CTPS2: variants seen among roughly 807,000 people sequenced by gnomAD.
CTPS2 encodes the protein CTP synthase 2.
A neutral mutation model predicts 46.8 loss-of-function variants in CTPS2; 19 were observed. The observed-to-expected ratio is 0.41, with a 90% confidence interval of 0.28 to 0.60. CTPS2 has a LOEUF of 0.60. Among genes scored for constraint, CTPS2 ranks in the 20% least tolerant of loss-of-function variants. CTPS2 has a pLI of 0.35. For missense variants in CTPS2, 286 were observed against 447.6 expected (o/e 0.64, Z 3.26); for synonymous variants, 151 against 165.2 (o/e 0.91, Z 0.66).
intron 13 of CTPS2, among the ~76,000 whole-genome samples, chrX:16,653,790 T>C (rs1227368713): frequency 8.9e-6 from 1 of 112,061 alleles, no homozygotes; most frequent in Non-Finnish European, 1.9e-5. Flanking sequence ...GGGCGGTGGT[T>C]AGTTAAGGGG....
chrX:16,684,968 G>A (rs1312604918), intron 8 of CTPS2, among the ~76,000 whole-genome samples: 5 of 111,381 alleles, frequency 4.5e-5, no homozygotes, highest in Non-Finnish European at 7.5e-5. Context: ...GTGCACGCCT[G>A]TAGTTCCAGC....
intron 16 of CTPS2, among the ~76,000 whole-genome samples, chrX:16,615,335 T>C (rs1042329221): frequency 1.8e-5 from 2 of 110,591 alleles, no homozygotes; most frequent in African/African-American, 6.6e-5. Flanking sequence ...CTAGACCCTG[T>C]CTCAAAAAAA....
chrX:16,604,642 C>CAAAAA (rs1391412669), intron 17 of CTPS2, among the ~76,000 whole-genome samples: 2 of 56,742 alleles, frequency 3.5e-5, no homozygotes, highest in African/African-American at 1.2e-4. Context: ...GCCTGAGAAA[C>CAAAAA]AAAAAAAAAA....
chrX:16,590,536 T>C (rs766426217), intron 18 of CTPS2, among the ~76,000 whole-genome samples: 1 of 111,098 alleles, frequency 9.0e-6, no homozygotes, highest in East Asian at 2.8e-4. Context: ...TAGGTGTACT[T>C]ATATTTTTTT....
chrX:16,703,627 C>T (rs1390754600), intron 1 of CTPS2, among the ~76,000 whole-genome samples: 4 of 112,018 alleles, frequency 3.6e-5, no homozygotes, highest in Admixed American at 9.6e-5. Flanking sequence ...CACCATGCTT[C>T]GTCTCACCAA....
In CTPS2 at chrX:16,609,571, T is replaced by C. The variant is rs1930158646; in HGVS notation, c.1661A>G (p.Tyr554Cys). The change falls in exon 17 of 19, where the codon TAC (tyrosine) becomes TGC (cysteine). Residue 554 changes from tyrosine (Y) to cysteine (C), a missense_variant. Transcript: ENST00000359276. ...AGACAGTTTGCAACCCTGTTGCAAGTAGGCATTCAGGTTCCCAGTTGCTGC... is the reference window on the plus strand; with the variant it reads ...AGACAGTTTGCAACCCTGTTGCAAGCAGGCATTCAGGTTCCCAGTTGCTGC... Reference protein sequence around the residue: ...LLAATGNLNAYLQQGCKLSSS... With the variant: ...LLAATGNLNACLQQGCKLSSS... 2 of 1,211,460 alleles carry C rather than the reference T, an allele frequency of 1.7e-6. No homozygotes were observed. Among genetic ancestry groups the C allele is most frequent in the African/African-American group, 3.5e-5 (2 of 57,851 alleles).
At chrX:16,667,137 C>CTTTT (rs34412705) in intron 13 of CTPS2, among the ~76,000 whole-genome samples, 9 of 90,061 alleles carry the variant, frequency 1.0e-4, no homozygotes, top group Non-Finnish European at 1.5e-4. Flanking sequence ...CCCCCCCCGC[C>CTTTT]TTTTTTTTTT....
intron 7 of CTPS2, among the ~76,000 whole-genome samples, 180 bp from the exon 8 acceptor site, chrX:16,689,781 T>A (rs144979537): frequency 1.9e-3 from 208 of 111,886 alleles, no homozygotes; most frequent in African/African-American, 6.5e-3. Flanking sequence ...GTTAGCTTCA[T>A]TTAATTAGAA....
chrX:16,609,590 T>C lies in CTPS2; in HGVS notation c.1642A>G (p.Thr548Ala). ...TGCAAGTAGGCATTCAGGTTCCCAG[T>C]TGCTGCAAGTAACAGCCCCAGATAC... is the stretch of plus-strand genomic sequence containing the variant. Reference protein sequence around the residue: ...PPYLGLLLAATGNLNAYLQQG... With the variant: ...PPYLGLLLAAAGNLNAYLQQG... Residue 548 changes from threonine to alanine, a missense_variant, in exon 17 of 19, where the codon ACT becomes GCT. Thr to Ala is a moderately conservative substitution (Grantham distance 58). Transcript: ENST00000359276. 1 of 1,211,548 alleles carries C rather than the reference T, an allele frequency of 8.3e-7. No individual in the cohort carries two copies. The highest frequency in any genetic ancestry group is 1.1e-6 in the Non-Finnish European group (1 of 895,326).
At chrX:16,591,254 A>G (rs763815809) in intron 17 of CTPS2, among the ~76,000 whole-genome samples, 1 of 111,814 alleles carries the variant, frequency 8.9e-6, no homozygotes, top group South Asian at 3.8e-4. Context: ...GTGTTATATT[A>G]ACAAACTGAT....
intron 14 of CTPS2, among the ~76,000 whole-genome samples, chrX:16,629,739 A>G (rs1169327491): frequency 8.9e-6 from 1 of 111,855 alleles, no homozygotes; most frequent in African/African-American, 3.2e-5. Context: ...CATTTCTTTC[A>G]GCTCTTTCAA....
chrX:16,612,526 A>G (rs763483935), intron 16 of CTPS2, among the ~76,000 whole-genome samples: 5 of 112,612 alleles, frequency 4.4e-5, no homozygotes, highest in African/African-American at 1.6e-4. Context: ...ACTTAAACAA[A>G]GTAAACAAAT....
intron 4 of CTPS2, among the ~76,000 whole-genome samples, chrX:16,693,839 G>A (rs891847424): frequency 2.3e-4 from 25 of 110,818 alleles, no homozygotes; most frequent in South Asian, 3.8e-4. Context: ...ATTTCTCCAC[G>A]TGTATACTCT....
chrX:16,680,117 A>G (rs1922615089), intron 9 of CTPS2, among the ~76,000 whole-genome samples: 1 of 111,889 alleles, frequency 8.9e-6, no homozygotes, highest in Admixed American at 9.5e-5. Flanking sequence ...GCCCAATCTT[A>G]GAAGGAAGAT....
intron 17 of CTPS2, among the ~76,000 whole-genome samples, chrX:16,604,519 A>T (rs1929855828): frequency 8.9e-6 from 1 of 111,752 alleles, no homozygotes; most frequent in African/African-American, 3.3e-5. Flanking sequence ...TTCTCTCCTT[A>T]CTTAAAAATG....
At chrX:16,652,021 G>A (rs1932668576) in intron 13 of CTPS2, among the ~76,000 whole-genome samples, 1 of 109,591 alleles carries the variant, frequency 9.1e-6, no homozygotes, top group Non-Finnish European at 1.9e-5. Context: ...AGCAGGATGG[G>A]GGGGGCCAGT....
intron 14 of CTPS2, among the ~76,000 whole-genome samples, chrX:16,636,310 G>A (rs938688385): frequency 2.7e-5 from 3 of 111,421 alleles, no homozygotes; most frequent in Admixed American, 9.5e-5. Context: ...CAGGAGAATC[G>A]CTTAAACCCA....
intron 17 of CTPS2, among the ~76,000 whole-genome samples, chrX:16,596,017 T>C (rs1052468322): frequency 8.1e-5 from 9 of 110,894 alleles, no homozygotes; most frequent in Admixed American, 4.8e-4. Flanking sequence ...TACAGGCACA[T>C]GCCACCGTGC....
chrX:16,706,959 C>G (rs186605028), intron 1 of CTPS2, among the ~76,000 whole-genome samples: 75 of 109,017 alleles, frequency 6.9e-4, no homozygotes, highest in Non-Finnish European at 8.8e-4. Flanking sequence ...AGGAGAATCA[C>G]TTGAACCTGG....
Sources: gnomAD v4.1 joint callset for allele counts (sites outside exome capture counted in the v4.1 genomes callset) on GRCh38, gnomAD v4.1.1 for gene constraint, MANE v1.5 for transcripts, NCBI Gene and HGNC (gene_info 2026-07-23, HGNC 2026-07-21) for gene names.